SDCBP: variants seen among roughly 807,000 people sequenced by gnomAD.
The protein encoded by SDCBP is syntenin-1.
Under a neutral mutation model 30.5 loss-of-function variants are expected in SDCBP, and 22 were observed. That is an observed-to-expected ratio of 0.72 (90% CI 0.52 to 1.03). The LOEUF (loss-of-function observed/expected upper bound fraction) is 1.03, where lower values mean the gene tolerates loss of function less well. Among genes scored for constraint, SDCBP ranks in the 50% least tolerant of loss-of-function variants. SDCBP has a pLI of 0.00. For synonymous variants in SDCBP, 103 were observed against 118.7 expected, an observed-to-expected ratio of 0.87 and a Z score of 0.86; for missense variants, 304 against 369.9, an observed-to-expected ratio of 0.82 and a Z score of 1.46.
chr8:58,578,327 G>T (rs17205153), intron 6 of SDCBP, 119 bp downstream of exon 6: 25,594 of 684,772 alleles, frequency 0.037, 560 homozygotes, highest in Middle Eastern at 0.076. Flanking sequence ...TTATTGATGA[G>T]CCTTATAGTC....
rs1201536840 is a variant in SDCBP, at chr8:58,572,370, A to G, written c.240+56A>G. The G allele has an allele frequency of 1.1e-5, 13 of 1,195,002 alleles. No individual in the cohort carries two copies. Among genetic ancestry groups the G allele is most frequent in the Middle Eastern group, 2.4e-4 (1 of 4,226 alleles). The allele number at this position is 1,195,002 out of a possible 1,614,324, so 74.0% of individuals were successfully genotyped here. A position where few individuals can be genotyped will look rare whatever the true frequency, so the allele number is the denominator to read the frequency against. On this transcript the variant is annotated intron_variant, in intron 4 of 8. Transcript: ENST00000260130. ...ATAAAATCATACTTTACATGTTAGT[A>G]TAAGCTTTCCTCTTTGTGGCTAACT...
chr8:58,561,597 C>T, intron 1 of SDCBP: 1 of 482,618 alleles, frequency 2.1e-6, no homozygotes, highest in East Asian at 3.2e-5. Context: ...CAGCAAAGTA[C>T]TGTATGTGGC....
In SDCBP at chr8:58,578,210, T is replaced by A. The variant is rs967917196; in HGVS notation, c.578+2T>A. 1 of 1,538,052 alleles carries A rather than the reference T, an allele frequency of 6.5e-7. No homozygotes were observed. Among genetic ancestry groups the A allele is most frequent in the African/African-American group, 1.4e-5 (1 of 71,048 alleles). Reference sequence around the variant, plus strand: ...GATTACCATGACCATTCGTGACAGGTAAGCTGTTACTAAACAGCTCAAATG... The same window carrying A: ...GATTACCATGACCATTCGTGACAGGAAAGCTGTTACTAAACAGCTCAAATG... On this transcript the variant is annotated splice_donor_variant, in intron 6 of 8. Coordinates refer to ENST00000260130, the MANE Select transcript of SDCBP (RefSeq NM_005625.4). LOFTEE classifies it high-confidence loss of function.
chr8:58,580,155 C>T (rs1218426286), intron 7 of SDCBP, among the ~76,000 whole-genome samples: 1 of 152,172 alleles, frequency 6.6e-6, no homozygotes, highest in East Asian at 1.9e-4. Flanking sequence ...TTTTTCTCCT[C>T]CACAAATTCC....
rs570462476 is a variant in SDCBP, at chr8:58,565,953, T to C, written c.51+869T>C. On this transcript the variant is annotated intron_variant, in intron 2 of 8. Transcript: ENST00000260130. ...CTTCAATTTACTAGAAAGTGAGATATTCAATTTACTTACTGATAATTGAAT... is the reference window on the plus strand; with the variant it reads ...CTTCAATTTACTAGAAAGTGAGATACTCAATTTACTTACTGATAATTGAAT... Among the ~76,000 whole-genome samples, 9 of 152,260 alleles carry C rather than the reference T, an allele frequency of 5.9e-5. No individual in the cohort carries two copies. The East Asian group carries it at 1.7e-3, about 29-fold the overall frequency.
At chr8:58,577,918 CTTTT>C (rs1190435312) in intron 5 of SDCBP, 111 bp from the exon 6 acceptor site, 1 of 757,406 alleles carries the variant, frequency 1.3e-6, no homozygotes, top group African/African-American at 1.8e-5. Flanking sequence ...CTTTTTCTTT[CTTTT>C]TTGTCACTGG....
chr8:58,555,782 C>G (rs1804066414), intron 1 of SDCBP, among the ~76,000 whole-genome samples: 1 of 150,580 alleles, frequency 6.6e-6, no homozygotes, highest in African/African-American at 2.4e-5. Flanking sequence ...TGGAATCTTG[C>G]TCAGGCTGGT....
chr8:58,553,651 C>A (rs999950304), intron 1 of SDCBP, among the ~76,000 whole-genome samples: 6 of 152,218 alleles, frequency 3.9e-5, no homozygotes, highest in African/African-American at 1.4e-4. Flanking sequence ...CTCTGGGGTT[C>A]TTCCTGGGAC....
chr8:58,578,256 C>T, intron 6 of SDCBP, 48 bp downstream of exon 6: 4 of 1,397,660 alleles, frequency 2.9e-6, no homozygotes, highest in African/African-American at 3.0e-5. Flanking sequence ...ACTAGTTTTC[C>T]ATTTTTTTGG....
At position 58,582,331 on chromosome 8, in the gene SDCBP, C is replaced by T. The variant is rs117485213; in HGVS notation, c.*591C>T. ...CCTTCACTTAATATGCTTGAACTGTCGCCTTAACTATGTTAAGCATCTAGA... is the reference window on the plus strand; with the variant it reads ...CCTTCACTTAATATGCTTGAACTGTTGCCTTAACTATGTTAAGCATCTAGA... On this transcript the variant is annotated 3_prime_UTR_variant, in exon 9 of 9. Coordinates refer to ENST00000260130, the MANE Select transcript of SDCBP (RefSeq NM_005625.4). 2.0e-5 allele frequency: 3 copies of T among 152,618 alleles called. No homozygotes were observed. The highest frequency in any genetic ancestry group is 1.9e-4 in the East Asian group (1 of 5,194). The allele number at this position is 152,618 out of a possible 1,614,324, so 9.5% of individuals were successfully genotyped here. A position where few individuals can be genotyped will look rare whatever the true frequency, so the allele number is the denominator to read the frequency against.
At chr8:58,578,001 T>C in intron 5 of SDCBP, 32 bp from the exon 6 acceptor site, 5 of 1,559,244 alleles carry the variant, frequency 3.2e-6, no homozygotes, top group South Asian at 2.2e-5. Flanking sequence ...ATAGTAGTGG[T>C]AAATGACAAA....
At chr8:58,574,900 C>T (rs1394245410) in intron 4 of SDCBP, among the ~76,000 whole-genome samples, 1 of 152,150 alleles carries the variant, frequency 6.6e-6, no homozygotes, top group African/African-American at 2.4e-5. Context: ...CTCTTAGCAA[C>T]TTTCAAGTAT....
chr8:58,576,416 CTT>C (rs113665258), intron 5 of SDCBP: 1,548 of 141,152 alleles, frequency 0.011, 11 homozygotes, highest in African/African-American at 0.026. Flanking sequence ...GTCAGTGTGC[CTT>C]TTTTTTTTTT....
chr8:58,558,434 G>A (rs1258597471), intron 1 of SDCBP, among the ~76,000 whole-genome samples: 1 of 151,936 alleles, frequency 6.6e-6, no homozygotes, highest in East Asian at 1.9e-4. Flanking sequence ...GGCATGTGCT[G>A]CTGTCCCTGG....
intron 1 of SDCBP, among the ~76,000 whole-genome samples, chr8:58,556,119 A>C (rs1385912148): frequency 1.3e-5 from 2 of 152,160 alleles, no homozygotes; most frequent in South Asian, 4.1e-4. Context: ...TGCCGTCCTA[A>C]ATTTTTATTA....
chr8:58,556,736 A>G (rs1804125973), intron 1 of SDCBP, among the ~76,000 whole-genome samples: 1 of 151,122 alleles, frequency 6.6e-6, no homozygotes, highest in Admixed American at 6.6e-5. Flanking sequence ...CTGTACACAT[A>G]TTTAAAGACT....
At chr8:58,575,791 G>A (rs1390764580) in intron 4 of SDCBP, 109 bp from the exon 5 acceptor site, 1 of 852,306 alleles carries the variant, frequency 1.2e-6, no homozygotes, top group African/African-American at 1.7e-5. Context: ...GAAATTATTT[G>A]TGGATTGCTT....
intron 5 of SDCBP, among the ~76,000 whole-genome samples, chr8:58,576,810 A>G (rs552963413): frequency 1.3e-5 from 2 of 152,322 alleles, no homozygotes; most frequent in African/African-American, 4.8e-5. Flanking sequence ...TCAGTCATAC[A>G]TCTCTAGCTT....
chr8:58,575,789 T>C (rs901530353), intron 4 of SDCBP, 111 bp from the exon 5 acceptor site: 2 of 840,044 alleles, frequency 2.4e-6, no homozygotes, highest in Admixed American at 4.7e-5. Context: ...AGGAAATTAT[T>C]TGTGGATTGC....
Sources: gnomAD v4.1 joint callset for allele counts (sites outside exome capture counted in the v4.1 genomes callset) on GRCh38, gnomAD v4.1.1 for gene constraint, MANE v1.5 for transcripts, NCBI Gene and HGNC (gene_info 2026-07-23, HGNC 2026-07-21) for gene names.